Variants in PXDNL observed in about 807,000 individuals in gnomAD.
The protein encoded by PXDNL is probable oxidoreductase PXDNL.
A neutral mutation model predicts 150.8 loss-of-function variants in PXDNL; 145 were observed. The observed-to-expected ratio is 0.96, with a 90% CI of 0.84 to 1.10. PXDNL has a LOEUF of 1.10. Among genes scored for constraint, PXDNL ranks in the 50% least tolerant of loss-of-function variants. The probability of loss-of-function intolerance (pLI) is 0.00; values close to 1 mark genes in which losing one functional copy is unlikely to be tolerated. For synonymous variants in PXDNL, 757 were observed against 725.7 expected (o/e 1.04, Z -0.69); for missense variants, 2,087 against 1,873.9 (o/e 1.11, Z -2.10).
At chr8:51,466,126 G>T (rs1810199507) in intron 8 of PXDNL, among the ~76,000 whole-genome samples, 1 of 151,970 alleles carries the variant, frequency 6.6e-6, no homozygotes, top group Non-Finnish European at 1.5e-5. Flanking sequence ...AAAGCTGGAA[G>T]CATCACATTA....
At chr8:51,555,935 G>A (rs1209521018) in intron 4 of PXDNL, among the ~76,000 whole-genome samples, 2 of 152,058 alleles carry the variant, frequency 1.3e-5, no homozygotes, top group African/African-American at 2.4e-5. Context: ...AGTATCAAAT[G>A]CTAAAAAGTA....
At chr8:51,526,752 G>A (rs1385426073) in intron 4 of PXDNL, among the ~76,000 whole-genome samples, 1 of 152,152 alleles carries the variant, frequency 6.6e-6, no homozygotes, top group Non-Finnish European at 1.5e-5. Flanking sequence ...TAATGACCAG[G>A]TCACCTCAGA....
chr8:51,530,693 T>A (rs1377649514), intron 4 of PXDNL, among the ~76,000 whole-genome samples: 1 of 152,164 alleles, frequency 6.6e-6, no homozygotes, highest in Non-Finnish European at 1.5e-5. Context: ...GCTCACACTC[T>A]GCGTGTAGTG....
Position 51,408,441 on chromosome 8 carries a change from A to C in PXDNL, c.3183T>G (p.Asn1061Lys). ...TGGCATTCAGTCGGTAAAGAATAGG[A>C]TTGATTAATGTGTGGCCAAATCTAA... ...AAFRFGHTLI[N>K]PILYRLNATL... is the part of the protein sequence containing the mutation. Residue 1061 changes from asparagine to lysine, a missense_variant, in exon 17 of 23, where the codon AAT becomes AAG. Transcript: ENST00000356297. The C allele has an allele frequency of 6.2e-7, 1 of 1,614,042 alleles. No individual in the cohort carries two copies. Among genetic ancestry groups the C allele is most frequent in the Non-Finnish European group, 8.5e-7 (1 of 1,179,900 alleles).
rs1001296422 is a variant in PXDNL at position 51,809,168 on chromosome 8, T to C, written c.164+13A>G. The C allele has an allele frequency of 1.2e-6, 2 of 1,613,264 alleles. No homozygotes were observed. The highest frequency in any genetic ancestry group is 1.7e-6 in the Non-Finnish European group (2 of 1,179,608). ...TGGGGAAGAGGGTTTCTGGGGAATT[T>C]ATGTGAACTTACAGAACTGTGGTCT... is the stretch of plus-strand genomic sequence containing the variant. On this transcript the variant is annotated intron_variant, in intron 1 of 22. Coordinates refer to ENST00000356297, the MANE Select transcript of PXDNL (RefSeq NM_144651.5).
At chr8:51,431,252 T>A (rs1474037364) in intron 12 of PXDNL, among the ~76,000 whole-genome samples, 1 of 152,176 alleles carries the variant, frequency 6.6e-6, no homozygotes, top group Non-Finnish European at 1.5e-5. Context: ...TCTCCTTCCT[T>A]TAGAAAATAC....
At chr8:51,456,032 T>C (rs775183071) in intron 9 of PXDNL, among the ~76,000 whole-genome samples, 1 of 152,192 alleles carries the variant, frequency 6.6e-6, no homozygotes, top group Non-Finnish European at 1.5e-5. Context: ...GCCACTACCC[T>C]ATCCATGCCA....
intron 8 of PXDNL, among the ~76,000 whole-genome samples, chr8:51,465,867 A>G (rs1563424163): frequency 6.6e-6 from 1 of 152,140 alleles, no homozygotes; most frequent in Non-Finnish European, 1.5e-5. Flanking sequence ...TGCAAGGAGA[A>G]CTCAAAACAT....
At chr8:51,689,488 G>A (rs1337417361) in intron 1 of PXDNL, among the ~76,000 whole-genome samples, 3 of 152,088 alleles carry the variant, frequency 2.0e-5, no homozygotes, top group African/African-American at 7.2e-5. Flanking sequence ...TTGGGGAAGT[G>A]GTTGGTTATC....
intron 11 of PXDNL, 38 bp from the exon 12 acceptor site, chr8:51,447,200 A>G: frequency 6.2e-7 from 1 of 1,600,258 alleles, no homozygotes; most frequent in Non-Finnish European, 8.5e-7. Context: ...TTCATGGCCC[A>G]GAGCACTGAA....
At chr8:51,705,588 A>C (rs1034978189) in intron 1 of PXDNL, among the ~76,000 whole-genome samples, 1 of 152,226 alleles carries the variant, frequency 6.6e-6, no homozygotes, top group Non-Finnish European at 1.5e-5. Context: ...ATATTACTTA[A>C]ACAAGATAAA....
At chr8:51,693,756 C>G (rs899847232) in intron 1 of PXDNL, among the ~76,000 whole-genome samples, 2 of 152,248 alleles carry the variant, frequency 1.3e-5, no homozygotes, top group South Asian at 4.2e-4. Context: ...GGTGACAGAG[C>G]AAGACCCTGT....
intron 8 of PXDNL, among the ~76,000 whole-genome samples, chr8:51,471,230 A>G (rs1810324894): frequency 6.6e-6 from 1 of 152,228 alleles, no homozygotes; most frequent in Non-Finnish European, 1.5e-5. Flanking sequence ...CAAACATGAA[A>G]AAAAGCTCTT....
At chr8:51,789,483 T>C (rs80149731) in intron 1 of PXDNL, among the ~76,000 whole-genome samples, 2,522 of 152,208 alleles carry the variant, frequency 0.017, 40 homozygotes, top group Admixed American at 0.058. Flanking sequence ...GTCTTCATTA[T>C]ATAGAGGGAG....
intron 1 of PXDNL, among the ~76,000 whole-genome samples, chr8:51,679,494 G>A (rs549902325): frequency 5.9e-5 from 9 of 152,248 alleles, no homozygotes; most frequent in Non-Finnish European, 1.2e-4. Context: ...CTAAATCAGG[G>A]GTGGAGAATA....
intron 1 of PXDNL, among the ~76,000 whole-genome samples, chr8:51,755,733 T>A (rs893007098): frequency 6.6e-6 from 1 of 152,182 alleles, no homozygotes; most frequent in Non-Finnish European, 1.5e-5. Context: ...AATCACTAAT[T>A]GTGTGTTCAC....
At chr8:51,507,809 T>G (rs77161425) in intron 4 of PXDNL, among the ~76,000 whole-genome samples, 1 of 152,090 alleles carries the variant, frequency 6.6e-6, no homozygotes, top group Non-Finnish European at 1.5e-5. Context: ...ACCAGGGTGT[T>G]GCTCAACGTC....
chr8:51,809,379 C>G lies in PXDNL; in HGVS notation c.-35G>C. On this transcript the variant is annotated 5_prime_UTR_variant, in exon 1 of 23. Coordinates refer to ENST00000356297, the MANE Select transcript of PXDNL (RefSeq NM_144651.5). ...CGCTGCTGGCCACGCGAAGAAGCAG[C>G]CGGAGGGAGAGCAGCAGCTGCAGCT... 1 of 1,500,600 alleles carries G rather than the reference C, an allele frequency of 6.7e-7. No individual in the cohort carries two copies. Among genetic ancestry groups the G allele is most frequent in the Non-Finnish European group, 8.9e-7 (1 of 1,124,740 alleles). The allele number at this position is 1,500,600 out of a possible 1,614,324, so 93.0% of individuals were successfully genotyped here. A position where few individuals can be genotyped will look rare whatever the true frequency, so the allele number is the denominator to read the frequency against.
rs369443793 is a variant in PXDNL at position 51,330,833 on chromosome 8, T to C, written c.4146+8791A>G. Among the ~76,000 whole-genome samples, 182 of 152,292 alleles carry C rather than the reference T, an allele frequency of 1.2e-3. 4 individuals are homozygous for C. In the South Asian group the frequency reaches 0.036, roughly 30 times the overall value. On this transcript the variant is annotated intron_variant, in intron 21 of 22. Coordinates refer to ENST00000356297, the MANE Select transcript of PXDNL (RefSeq NM_144651.5). Reference sequence around the variant, plus strand: ...CCAAGCCTCAAATCTCATTAAAATATCATCTAAACCAATTATGGGTAAGAC... The same window carrying C: ...CCAAGCCTCAAATCTCATTAAAATACCATCTAAACCAATTATGGGTAAGAC...
Sources: allele counts gnomAD v4.1 joint callset (sites outside exome capture counted in the v4.1 genomes callset), GRCh38; gene constraint gnomAD v4.1.1; transcripts MANE v1.5; gene names NCBI Gene and HGNC (gene_info 2026-07-23, HGNC 2026-07-21).